The following RALGAPA2 variants were observed in gnomAD, a reference collection of about 807,000 sequenced individuals.
RALGAPA2 encodes Ral GTPase activating protein catalytic subunit alpha 2.
A neutral mutation model predicts 230.4 loss-of-function variants in RALGAPA2; 139 were observed. The ratio of observed to expected loss-of-function variants is 0.60; its 90% confidence interval spans 0.53 to 0.69. The LOEUF (loss-of-function observed/expected upper bound fraction) is 0.69. Among genes scored for constraint, RALGAPA2 ranks in the 30% least tolerant of loss-of-function variants. The pLI is 0.00. For synonymous variants in RALGAPA2, 847 were observed against 837.8 expected, an observed-to-expected ratio of 1.01 and a Z score of -0.19; for missense variants, 2,163 against 2,276.0, an observed-to-expected ratio of 0.95 and a Z score of 1.01.
chr20:20,530,897 G>A (rs1412145387), intron 27 of RALGAPA2, among the ~76,000 whole-genome samples: 1 of 152,148 alleles, frequency 6.6e-6, no homozygotes. Flanking sequence ...GGCACTCACT[G>A]GTTCCCTAAG....
chr20:20,572,689 A>T (rs1384112057), intron 21 of RALGAPA2, among the ~76,000 whole-genome samples, 186 bp downstream of exon 21: 1 of 152,210 alleles, frequency 6.6e-6, no homozygotes, highest in African/African-American at 2.4e-5. Context: ...ACTAAATGAA[A>T]TAACTTTTGC....
chr20:20,638,796 T>G (rs1242257424), intron 7 of RALGAPA2, among the ~76,000 whole-genome samples: 1 of 152,212 alleles, frequency 6.6e-6, no homozygotes, highest in African/African-American at 2.4e-5. Flanking sequence ...GTCCTGTGTT[T>G]CTGTTGCTGG....
intron 3 of RALGAPA2, among the ~76,000 whole-genome samples, chr20:20,656,950 C>T (rs1057494136): frequency 1.3e-5 from 2 of 152,142 alleles, no homozygotes; most frequent in African/African-American, 4.8e-5. Flanking sequence ...TCACCAGATG[C>T]GAGAGATGAA....
At chr20:20,442,300 A>G (rs1221432233) in intron 37 of RALGAPA2, among the ~76,000 whole-genome samples, 1 of 152,228 alleles carries the variant, frequency 6.6e-6, no homozygotes, top group East Asian at 1.9e-4. Flanking sequence ...TGACTTATAG[A>G]TTGGCCAAGA....
chr20:20,640,849 A>G lies in RALGAPA2; in HGVS notation c.402T>C (p.Leu134=). Residue 134 remains leucine (L), a synonymous_variant, in exon 6 of 40, where the codon CTT becomes CTC. Coordinates refer to ENST00000202677, the MANE Select transcript of RALGAPA2 (RefSeq NM_020343.4). Reference sequence around the variant, plus strand: ...TTGTCTGAAGTGCTTGAAGCCACAGAAGAAACAGCCTGATTCCTTCACATC... The same window carrying G: ...TTGTCTGAAGTGCTTGAAGCCACAGGAGAAACAGCCTGATTCCTTCACATC... ...KIRCEGIRLF[L]LWLQALQTNC... is the part of the protein sequence containing the mutation. 6.2e-7 allele frequency: 1 copy of G among 1,613,674 alleles called. No homozygotes were observed.
At chr20:20,426,640 G>C (rs2060387818) in intron 37 of RALGAPA2, among the ~76,000 whole-genome samples, 1 of 152,192 alleles carries the variant, frequency 6.6e-6, no homozygotes, top group Non-Finnish European at 1.5e-5. Flanking sequence ...CAAGTGTGAA[G>C]TTCAGGCATC....
At position 20,524,827 on chromosome 20, in the gene RALGAPA2, TA is replaced by T; in HGVS notation, c.3762+2del. The T allele has an allele frequency of 6.3e-7, 1 of 1,590,374 alleles. No homozygotes were observed. Among genetic ancestry groups the T allele is most frequent in the African/African-American group, 1.4e-5 (1 of 73,782 alleles). ...GGAAAAACTTAGTTAATGTGCCACCTACCTTCTTGTCTGTTTCCACTGAGGA... is the reference window on the plus strand; with the variant it reads ...GGAAAAACTTAGTTAATGTGCCACCTCCTTCTTGTCTGTTTCCACTGAGGA... On this transcript the variant is annotated splice_donor_variant, in intron 29 of 39. Transcript: ENST00000202677. LOFTEE classifies it high-confidence loss of function.
chr20:20,653,298 G>A (rs2067474503), intron 4 of RALGAPA2, among the ~76,000 whole-genome samples: 1 of 151,488 alleles, frequency 6.6e-6, no homozygotes. Context: ...TCTGGGTGAG[G>A]CTTATGCTGC....
intron 17 of RALGAPA2, 143 bp from the exon 18 acceptor site, chr20:20,589,508 C>T: frequency 1.2e-6 from 1 of 868,848 alleles, no homozygotes; most frequent in Non-Finnish European, 1.7e-6. Context: ...CCTGGCAAAA[C>T]AGCAGCCTAT....
At chr20:20,489,208 G>C (rs953125692) in intron 36 of RALGAPA2, among the ~76,000 whole-genome samples, 1 of 152,106 alleles carries the variant, frequency 6.6e-6, no homozygotes, top group Non-Finnish European at 1.5e-5. Flanking sequence ...GGAAGCAGTC[G>C]GACCTATGAG....
intron 17 of RALGAPA2, among the ~76,000 whole-genome samples, chr20:20,590,003 T>C (rs1054454538): frequency 5.3e-5 from 8 of 151,236 alleles, no homozygotes; most frequent in African/African-American, 1.9e-4. Context: ...TAACTTGACA[T>C]ATAAAAATTA....
chr20:20,599,856 C>A (rs149285874), intron 16 of RALGAPA2, among the ~76,000 whole-genome samples: 3,690 of 152,040 alleles, frequency 0.024, 77 homozygotes, highest in South Asian at 0.06. Context: ...GCCTGTAATC[C>A]CAGCTACTCG....
rs2063138222 is a variant in RALGAPA2 at position 20,524,421 on chromosome 20, C to G, written c.3885G>C (p.Leu1295=). The part of the protein sequence containing the change: ...EEQHSARAPL[L]DYIYRVLHCC... ...GTAGACTCACCCTGTAGATATAATC[C>G]AGCAAGGGGGCTCTGGCCGAATGCT... The change falls in exon 30 of 40, where the codon CTG becomes CTC. Residue 1295 remains leucine, a synonymous_variant. Coordinates refer to ENST00000202677, the MANE Select transcript of RALGAPA2 (RefSeq NM_020343.4). 1 of 1,613,566 alleles carries G rather than the reference C, an allele frequency of 6.2e-7. No homozygotes were observed. Among genetic ancestry groups the G allele is most frequent in the Non-Finnish European group, 8.5e-7 (1 of 1,179,774 alleles).
intron 37 of RALGAPA2, among the ~76,000 whole-genome samples, chr20:20,422,834 A>G (rs960742028): frequency 1.3e-5 from 2 of 152,212 alleles, no homozygotes; most frequent in South Asian, 4.1e-4. Flanking sequence ...CAGCATTCAC[A>G]GCTTATATGG....
intron 37 of RALGAPA2, among the ~76,000 whole-genome samples, chr20:20,430,989 T>G (rs1296421471): frequency 2.0e-5 from 3 of 152,246 alleles, no homozygotes; most frequent in Admixed American, 1.3e-4. Context: ...TGGGACACTC[T>G]TCCCAGGGCT....
In RALGAPA2 at chr20:20,520,958, T is replaced by C. The variant is rs758981027; in HGVS notation, c.4043A>G (p.His1348Arg). Residue 1348 changes from histidine to arginine, a missense_variant, in exon 31 of 40, where the codon CAT becomes CGT. Coordinates refer to ENST00000202677, the MANE Select transcript of RALGAPA2 (RefSeq NM_020343.4). ...CAGGTTACCCAATTCTGCTGATGAA[T>C]GATACTGGACTGGCTCAGAGCTCTT... ...NVKSSEPVQY[H>R]SSAELGNLLT... 1.2e-6 allele frequency: 2 copies of C among 1,613,208 alleles called. No individual in the cohort carries two copies. Among genetic ancestry groups the C allele is most frequent in the African/African-American group, 1.3e-5 (1 of 74,922 alleles).
At chr20:20,661,482 A>T (rs2067774325) in intron 3 of RALGAPA2, among the ~76,000 whole-genome samples, 1 of 152,150 alleles carries the variant, frequency 6.6e-6, no homozygotes, top group African/African-American at 2.4e-5. Context: ...TGTTCTTGAT[A>T]TTAGAAGAAA....
At chr20:20,601,535 G>T (rs1324932546) in intron 16 of RALGAPA2, 147 bp downstream of exon 16, 1 of 725,022 alleles carries the variant, frequency 1.4e-6, no homozygotes, top group Non-Finnish European at 2.1e-6. Flanking sequence ...AGTAACCAGA[G>T]CATAAAGCTA....
intron 3 of RALGAPA2, among the ~76,000 whole-genome samples, chr20:20,667,014 T>C (rs2067976598): frequency 6.6e-6 from 1 of 152,202 alleles, no homozygotes; most frequent in Non-Finnish European, 1.5e-5. Flanking sequence ...TAGTTTTTCT[T>C]TAGGCAATTC....
Sources: allele counts gnomAD v4.1 joint callset (sites outside exome capture counted in the v4.1 genomes callset), GRCh38; gene constraint gnomAD v4.1.1; transcripts MANE v1.5; gene names NCBI Gene and HGNC (gene_info 2026-07-23, HGNC 2026-07-21).